CPLX2: variants seen among roughly 807,000 people sequenced by gnomAD.
CPLX2 encodes complexin 2.
CPLX2 carries 5 observed loss-of-function variants against 16.3 expected under a neutral mutation model. That is an observed-to-expected ratio of 0.31 (90% CI 0.16 to 0.64). The LOEUF (loss-of-function observed/expected upper bound fraction) is 0.64. Ranked by LOEUF, CPLX2 falls within the 30% of genes least tolerant of loss-of-function variation. CPLX2 has a pLI of 0.79. For synonymous variants in CPLX2, 89 were observed against 73.2 expected, an observed-to-expected ratio of 1.22 and a Z score of -1.10; for missense variants, 144 against 181.4, an observed-to-expected ratio of 0.79 and a Z score of 1.18.
intron 2 of CPLX2, among the ~76,000 whole-genome samples, chr5:175,852,976 T>C (rs985901080): frequency 6.6e-6 from 1 of 152,182 alleles, no homozygotes; most frequent in African/African-American, 2.4e-5. Context: ...CAGTCTCTAA[T>C]GTTAGCCCCC....
At chr5:175,802,364 A>G (rs1758114990) in intron 1 of CPLX2, among the ~76,000 whole-genome samples, 1 of 152,216 alleles carries the variant, frequency 6.6e-6, no homozygotes, top group African/African-American at 2.4e-5. Flanking sequence ...CATAGGGTTC[A>G]GAAGTTAATC....
intron 2 of CPLX2, among the ~76,000 whole-genome samples, chr5:175,815,558 A>G (rs1758391689): frequency 1.3e-5 from 2 of 152,218 alleles, no homozygotes; most frequent in Non-Finnish European, 2.9e-5. Flanking sequence ...CAGGAGTTCT[A>G]TGTGAAACTC....
intron 2 of CPLX2, among the ~76,000 whole-genome samples, chr5:175,862,746 C>T (rs1044156846): frequency 1.3e-4 from 20 of 152,244 alleles, no homozygotes; most frequent in Admixed American, 5.9e-4. Context: ...AGTATAAGAC[C>T]CAGAATGGAG....
upstream of CPLX2, chr5:175,871,485 G>GAGAGAGAT (rs1561790514): frequency 1.3e-5 from 2 of 149,514 alleles, no homozygotes; most frequent in Non-Finnish European, 3.0e-5. Flanking sequence ...GAGAGAGAGA[G>GAGAGAGAT]ATTTGAATTT....
rs1758715783 is a variant in CPLX2 at position 175,830,510 on chromosome 5, G to A, written c.-89+21442G>A. Among the ~76,000 whole-genome samples the A allele has an allele frequency of 6.6e-6, 1 of 152,100 alleles. No individual in the cohort carries two copies. The highest frequency in any genetic ancestry group is 1.5e-5 in the Non-Finnish European group (1 of 67,996). On this transcript the variant is annotated intron_variant, in intron 2 of 4. Transcript: ENST00000359546. This position sits in a 1 kb window ranked among gnomAD's most constrained non-coding sequence, Gnocchi z 4.0. ...TAGGAGGGGGAGTTTTAGGGGTGAA[G>A]CACCCCACCCCCAGCTGTCCAGCCA... is the stretch of plus-strand genomic sequence containing the variant.
chr5:175,865,205 G>C (rs1000779948), intron 2 of CPLX2, among the ~76,000 whole-genome samples: 1 of 152,112 alleles, frequency 6.6e-6, no homozygotes, highest in African/African-American at 2.4e-5. Flanking sequence ...ATTAACCTCT[G>C]TTGTCCATGT....
intron 2 of CPLX2, among the ~76,000 whole-genome samples, chr5:175,823,731 T>C (rs1371176022): frequency 6.6e-6 from 1 of 152,190 alleles, no homozygotes; most frequent in Non-Finnish European, 1.5e-5. Context: ...GGCTGTGTGA[T>C]GATGTCAGAG....
chr5:175,832,112 G>T (rs574045952), intron 2 of CPLX2, among the ~76,000 whole-genome samples: 1 of 152,226 alleles, frequency 6.6e-6, no homozygotes, highest in African/African-American at 2.4e-5. Flanking sequence ...CCACCAAAAA[G>T]GTTCCTGGCC....
chr5:175,817,435 C>T (rs56235949), intron 2 of CPLX2, among the ~76,000 whole-genome samples: 13,249 of 152,244 alleles, frequency 0.087, 682 homozygotes, highest in African/African-American at 0.13. Context: ...ATGACCTCAA[C>T]TGATGTCACT....
chr5:175,849,274 G>A lies in CPLX2; in HGVS notation c.-88-29378G>A, dbSNP rs909746681. Among the ~76,000 whole-genome samples, 7 of 152,282 alleles carry A rather than the reference G, an allele frequency of 4.6e-5. No individual in the cohort carries two copies. Among genetic ancestry groups the A allele is most frequent in the East Asian group, 1.9e-4 (1 of 5,178 alleles). Reference sequence around the variant, plus strand: ...CAGCCAGCAGCTCAAAGGGATGTCCGGCTACCCTTGGGTGAGGACAGGGTA... The same window carrying A: ...CAGCCAGCAGCTCAAAGGGATGTCCAGCTACCCTTGGGTGAGGACAGGGTA... On this transcript the variant is annotated intron_variant, in intron 2 of 4. Coordinates refer to the CPLX2 transcript ENST00000359546. This position sits in a 1 kb window ranked among gnomAD's most constrained non-coding sequence, Gnocchi z 4.4.
At chr5:175,871,286 T>G (rs1581101597), upstream of CPLX2, among the ~76,000 whole-genome samples, 2 of 95,228 alleles carry the variant, frequency 2.1e-5, no homozygotes, top group Admixed American at 1.3e-4. Context: ...CAGTGTAAGG[T>G]GGAGGAGAGA....
At chr5:175,847,626 G>A (rs1759071740) in intron 2 of CPLX2, among the ~76,000 whole-genome samples, 1 of 152,220 alleles carries the variant, frequency 6.6e-6, no homozygotes, top group Non-Finnish European at 1.5e-5. Flanking sequence ...GCCCAGGGCA[G>A]GATTAGAGAG....
chr5:175,871,364 A>C (rs1476604668), upstream of CPLX2: 1 of 118,644 alleles, frequency 8.4e-6, no homozygotes, highest in Non-Finnish European at 1.7e-5. Context: ...GGAGAGAGGG[A>C]GAGAAGGAGG....
At chr5:175,817,912 T>C (rs761222479) in intron 2 of CPLX2, among the ~76,000 whole-genome samples, 1 of 152,140 alleles carries the variant, frequency 6.6e-6, no homozygotes, top group Non-Finnish European at 1.5e-5. Flanking sequence ...AGGACAATGA[T>C]GGAGGTTCAA....
chr5:175,873,868 G>T (rs1700055864), intron 1 of CPLX2, among the ~76,000 whole-genome samples: 2 of 152,224 alleles, frequency 1.3e-5, no homozygotes, highest in South Asian at 4.1e-4. Flanking sequence ...CTTAGTAAGT[G>T]ATGGAGCCAG....
At chr5:175,839,229 A>G (rs1581085742) in intron 2 of CPLX2, among the ~76,000 whole-genome samples, 1 of 152,040 alleles carries the variant, frequency 6.6e-6, no homozygotes, top group African/African-American at 2.4e-5. Flanking sequence ...TTTTTCCTCA[A>G]AAAAGAATGA....
At position 175,880,971 on chromosome 5, in the gene CPLX2, C is replaced by T. The variant is rs1441577748; in HGVS notation, c.*926C>T. ...TGCGCTTCCAGGGCCCCACGGTCCC[C>T]AGGAGGACGCTTCCTGGCCAAAGCC... On this transcript the variant is annotated 3_prime_UTR_variant, in exon 4 of 4. Coordinates refer to ENST00000393745, the MANE Select transcript of CPLX2 (RefSeq NM_001008220.2). The T allele has an allele frequency of 6.5e-6, 1 of 152,742 alleles. No individual in the cohort carries two copies. The highest frequency in any genetic ancestry group is 2.4e-5 in the African/African-American group (1 of 41,456). The allele number at this position is 152,742 out of a possible 1,614,324, so 9.5% of individuals were successfully genotyped here. A position where few individuals can be genotyped will look rare whatever the true frequency, so the allele number is the denominator to read the frequency against.
At chr5:175,816,631 G>C (rs1488696202) in intron 2 of CPLX2, among the ~76,000 whole-genome samples, 1 of 152,210 alleles carries the variant, frequency 6.6e-6, no homozygotes, top group African/African-American at 2.4e-5. Context: ...TGGCAGTGCT[G>C]GGGAGCCAGG....
At chr5:175,836,212 T>C (rs1008712076) in intron 2 of CPLX2, among the ~76,000 whole-genome samples, 22 of 152,120 alleles carry the variant, frequency 1.4e-4, no homozygotes, top group African/African-American at 3.4e-4. Context: ...TAGCTGGGCG[T>C]GGTGGCGGGC....
Sources: allele counts gnomAD v4.1 joint callset (sites outside exome capture counted in the v4.1 genomes callset), GRCh38; gene constraint gnomAD v4.1.1; non-coding constraint Gnocchi (gnomAD v3.1); transcripts MANE v1.5; gene names NCBI Gene and HGNC (gene_info 2026-07-23, HGNC 2026-07-21).